NAALADL2: variants seen among roughly 807,000 people sequenced by gnomAD.
The protein encoded by NAALADL2 is inactive N-acetylated-alpha-linked acidic dipeptidase-like protein 2.
A neutral mutation model predicts 87.2 loss-of-function variants in NAALADL2; 76 were observed. The ratio of observed to expected loss-of-function variants is 0.87; its 90% CI spans 0.72 to 1.05. NAALADL2 has a LOEUF of 1.05. Among genes scored for constraint, NAALADL2 ranks in the 50% least tolerant of loss-of-function variants. The probability of loss-of-function intolerance (pLI) is 0.00; values close to 1 mark genes in which losing one functional copy is unlikely to be tolerated. For missense variants in NAALADL2, 1,089 were observed against 945.8 expected, an observed-to-expected ratio of 1.15 and a Z score of -1.99; for synonymous variants, 354 against 331.0, an observed-to-expected ratio of 1.07 and a Z score of -0.75.
chr3:175,459,636 A>G (rs73884415), intron 6 of NAALADL2, among the ~76,000 whole-genome samples: 6,241 of 152,256 alleles, frequency 0.041, 138 homozygotes, highest in East Asian at 0.085. Flanking sequence ...AAGTTTCTAC[A>G]GTGAAAAAGG....
chr3:175,545,739 A>G (rs1052772595), intron 9 of NAALADL2, among the ~76,000 whole-genome samples: 3 of 152,174 alleles, frequency 2.0e-5, no homozygotes, highest in Non-Finnish European at 4.4e-5. Context: ...GTTAAATGCC[A>G]ACTTACATGA....
intron 9 of NAALADL2, among the ~76,000 whole-genome samples, chr3:175,505,264 G>GAAAAAAAAAAAAAA (rs1730142268): frequency 8.7e-6 from 1 of 115,540 alleles, no homozygotes. Context: ...ACCCTGTCTC[G>GAAAAAAAAAAAAAA]AGAAAAAAAA....
At chr3:174,847,137 C>T (rs1184608754) in intron 3 of NAALADL2, among the ~76,000 whole-genome samples, 4 of 152,108 alleles carry the variant, frequency 2.6e-5, no homozygotes, top group Admixed American at 2.6e-4. Flanking sequence ...ATATGTTGGG[C>T]CAGTATACCT....
At chr3:174,785,583 G>T (rs757243961) in intron 3 of NAALADL2, among the ~76,000 whole-genome samples, 1 of 151,984 alleles carries the variant, frequency 6.6e-6, no homozygotes, top group Non-Finnish European at 1.5e-5. Context: ...CAATGTCTCT[G>T]CAAATAAATA....
At chr3:175,697,863 ATGTATG>A (rs1423234264) in intron 11 of NAALADL2, among the ~76,000 whole-genome samples, 1 of 86,086 alleles carries the variant, frequency 1.2e-5, no homozygotes, top group African/African-American at 4.9e-5. Flanking sequence ...ATGTGTATAT[ATGTATG>A]TATACATATA....
At chr3:174,842,475 T>TTA (rs1328385628) in intron 3 of NAALADL2, among the ~76,000 whole-genome samples, 6 of 152,198 alleles carry the variant, frequency 3.9e-5, no homozygotes, top group African/African-American at 1.4e-4. Flanking sequence ...CTACTGGAAC[T>TTA]TACAGTGGAC....
chr3:175,702,671 C>T (rs964957861), intron 11 of NAALADL2, among the ~76,000 whole-genome samples: 2 of 152,064 alleles, frequency 1.3e-5, no homozygotes, highest in Non-Finnish European at 2.9e-5. Flanking sequence ...CAAAATGTCC[C>T]TAACTTTAGA....
At position 175,018,603 on chromosome 3, in the gene NAALADL2, C is replaced by T. The variant is rs182801821; in HGVS notation, c.44-78187C>T. Among the ~76,000 whole-genome samples, 14 of 152,084 alleles carry T rather than the reference C, an allele frequency of 9.2e-5. No individual in the cohort carries two copies. The South Asian group carries it at 1.2e-3, about 14-fold the overall frequency. On this transcript the variant is annotated intron_variant, in intron 1 of 13. Coordinates refer to ENST00000454872, the MANE Select transcript of NAALADL2 (RefSeq NM_207015.3). The stretch of plus-strand genomic sequence containing the variant: ...TTAATTCTAGTTTCCCCCAGCTCAC[C>T]GCATACACATCTACCATGATTACAA...
intron 3 of NAALADL2, among the ~76,000 whole-genome samples, chr3:174,758,563 G>A (rs1426592083): frequency 6.6e-6 from 1 of 152,188 alleles, no homozygotes; most frequent in African/African-American, 2.4e-5. Flanking sequence ...GAGTGCTTGT[G>A]AAAGGGAAGC....
At chr3:175,559,888 T>G (rs978011891) in intron 9 of NAALADL2, among the ~76,000 whole-genome samples, 9 of 152,228 alleles carry the variant, frequency 5.9e-5, no homozygotes, top group African/African-American at 2.2e-4. Context: ...TACTGGCTTA[T>G]AGTTTCCTTT....
intron 1 of NAALADL2, among the ~76,000 whole-genome samples, chr3:174,998,142 A>G (rs1012576623): frequency 6.6e-6 from 1 of 152,212 alleles, no homozygotes; most frequent in Non-Finnish European, 1.5e-5. Flanking sequence ...GCTAACATTT[A>G]TTTAGCACTA....
intron 1 of NAALADL2, among the ~76,000 whole-genome samples, chr3:174,862,469 C>T (rs1400998655): frequency 6.6e-6 from 1 of 151,964 alleles, no homozygotes; most frequent in Non-Finnish European, 1.5e-5. Context: ...CCTACTTCTC[C>T]CAGGATTCTT....
At chr3:175,641,365 T>G (rs1467115300) in intron 11 of NAALADL2, among the ~76,000 whole-genome samples, 1 of 152,252 alleles carries the variant, frequency 6.6e-6, no homozygotes, top group Non-Finnish European at 1.5e-5. Context: ...CTTTCTTTGC[T>G]TTCCCTTTTT....
At chr3:175,443,080 G>C (rs1720090064) in intron 5 of NAALADL2, among the ~76,000 whole-genome samples, 2 of 152,076 alleles carry the variant, frequency 1.3e-5, no homozygotes, top group Non-Finnish European at 2.9e-5. Context: ...ACATAGGTTT[G>C]TTTTAAAAAT....
intron 3 of NAALADL2, among the ~76,000 whole-genome samples, chr3:174,851,544 C>G (rs114806016): frequency 0.013 from 1,989 of 151,900 alleles, 45 homozygotes; most frequent in African/African-American, 0.046. Context: ...CTAGACATGT[C>G]CAACCTACCA....
At chr3:174,944,875 C>G (rs948335820) in intron 1 of NAALADL2, among the ~76,000 whole-genome samples, 1 of 152,086 alleles carries the variant, frequency 6.6e-6, no homozygotes. Flanking sequence ...ATGTCACTCC[C>G]CAGTGGGCCA....
chr3:174,441,598 GGA>G (rs1322891354), intron 1 of NAALADL2, among the ~76,000 whole-genome samples: 1 of 152,218 alleles, frequency 6.6e-6, no homozygotes, highest in African/African-American at 2.4e-5. Flanking sequence ...GAGAAGCCAT[GGA>G]AAGAGCAGCC....
intron 9 of NAALADL2, among the ~76,000 whole-genome samples, chr3:175,538,136 C>T (rs564153765): frequency 6.6e-6 from 1 of 152,040 alleles, no homozygotes; most frequent in African/African-American, 2.4e-5. Context: ...TGACAGTAGT[C>T]CAGAGAAATT....
chr3:175,240,987 A>C (rs1243245529), intron 3 of NAALADL2, among the ~76,000 whole-genome samples: 1 of 152,104 alleles, frequency 6.6e-6, no homozygotes, highest in Non-Finnish European at 1.5e-5. Context: ...TAATGGTGAC[A>C]GTGGCTTTGG....
Sources: gnomAD v4.1 joint callset for allele counts (sites outside exome capture counted in the v4.1 genomes callset) on GRCh38, gnomAD v4.1.1 for gene constraint, MANE v1.5 for transcripts, NCBI Gene and HGNC (gene_info 2026-07-23, HGNC 2026-07-21) for gene names.